Variants in ADARB2 observed in about 807,000 individuals in gnomAD.
ADARB2 encodes the protein adenosine deaminase RNA specific B2 (inactive).
ADARB2 carries 25 observed loss-of-function variants against 62.2 expected under a neutral mutation model. The observed-to-expected ratio is 0.40, with a 90% confidence interval of 0.29 to 0.56. The LOEUF (loss-of-function observed/expected upper bound fraction) is 0.56. ADARB2 is among the 20% of genes least tolerant of loss of function. The pLI is 0.43. For synonymous variants in ADARB2, 572 were observed against 500.8 expected (o/e 1.14, Z -1.90); for missense variants, 1,071 against 1,077.4 (o/e 0.99, Z 0.08).
intron 7 of ADARB2, among the ~76,000 whole-genome samples, chr10:1,202,715 T>G (rs1163467803): frequency 6.6e-6 from 1 of 152,210 alleles, no homozygotes; most frequent in Non-Finnish European, 1.5e-5. Context: ...AGACTGTTAG[T>G]GCGTCTTAAA....
intron 7 of ADARB2, among the ~76,000 whole-genome samples, chr10:1,203,990 G>A (rs1000593971): frequency 2.0e-5 from 3 of 152,278 alleles, no homozygotes; most frequent in African/African-American, 7.2e-5. Flanking sequence ...TGCTCAGTTC[G>A]AGAACCACCG....
At chr10:1,457,704 A>C (rs2131905899) in intron 1 of ADARB2, among the ~76,000 whole-genome samples, 1 of 152,274 alleles carries the variant, frequency 6.6e-6, no homozygotes, top group Middle Eastern at 3.4e-3. Context: ...CTCCCTCACA[A>C]ACTGCTCACA....
intron 6 of ADARB2, among the ~76,000 whole-genome samples, chr10:1,217,414 C>T (rs974203589): frequency 2.0e-5 from 3 of 152,240 alleles, no homozygotes; most frequent in Non-Finnish European, 4.4e-5. Context: ...AGTGCAGCCA[C>T]GGCCTGGACC....
At chr10:1,337,734 G>A (rs189655539) in intron 3 of ADARB2, among the ~76,000 whole-genome samples, 68 of 152,154 alleles carry the variant, frequency 4.5e-4, no homozygotes, top group Non-Finnish European at 1.5e-4. Flanking sequence ...TTATTGATAC[G>A]ATTTTACTAT....
intron 6 of ADARB2, among the ~76,000 whole-genome samples, chr10:1,228,507 C>T (rs959088837): frequency 7.9e-5 from 12 of 152,194 alleles, no homozygotes; most frequent in Non-Finnish European, 1.8e-4. Context: ...GTCATTGGAA[C>T]CCTGACTCTA....
intron 1 of ADARB2, among the ~76,000 whole-genome samples, chr10:1,459,110 A>C (rs181599603): frequency 6.6e-6 from 1 of 152,332 alleles, no homozygotes; most frequent in African/African-American, 2.4e-5. Flanking sequence ...AAATTAGCTC[A>C]ACCATTGTGG....
intron 1 of ADARB2, among the ~76,000 whole-genome samples, chr10:1,390,856 C>G (rs1219342003): frequency 6.6e-6 from 1 of 152,226 alleles, no homozygotes; most frequent in Admixed American, 6.5e-5. Context: ...GGGATCAGAA[C>G]TGTGAGCCTC....
chr10:1,477,609 C>T lies in ADARB2; in HGVS notation c.101-98449G>A, dbSNP rs1451274703. On this transcript the variant is annotated intron_variant, in intron 1 of 9. Coordinates refer to ENST00000381312, the MANE Select transcript of ADARB2 (RefSeq NM_018702.4). The surrounding 1 kb of genome is among the most constrained non-coding windows in gnomAD (Gnocchi z 4.5). ...CACCCACAACAACACGGTGATGTGC[C>T]AGAAGCAATGAAAAGCCATCCATAC... 6.6e-6 allele frequency among the ~76,000 whole-genome samples: 1 copy of T among 152,130 alleles called. No homozygotes were observed. Among genetic ancestry groups the T allele is most frequent in the Admixed American group, 6.5e-5 (1 of 15,282 alleles).
intron 1 of ADARB2, among the ~76,000 whole-genome samples, chr10:1,402,794 C>T (rs1832676137): frequency 6.6e-6 from 1 of 152,124 alleles, no homozygotes; most frequent in African/African-American, 2.4e-5. Flanking sequence ...AACCTACTCT[C>T]CTGGCAAAAA....
intron 1 of ADARB2, among the ~76,000 whole-genome samples, chr10:1,584,434 G>T (rs1461103080): frequency 6.6e-6 from 1 of 152,138 alleles, no homozygotes; most frequent in African/African-American, 2.4e-5. Flanking sequence ...CCAGAACATG[G>T]ACACCCTGGA....
At chr10:1,232,029 C>T (rs1028450895) in intron 6 of ADARB2, among the ~76,000 whole-genome samples, 4 of 152,184 alleles carry the variant, frequency 2.6e-5, no homozygotes, top group African/African-American at 9.7e-5. Context: ...TAGCCTTCCA[C>T]CGGAGGAGAG....
intron 1 of ADARB2, among the ~76,000 whole-genome samples, chr10:1,582,685 G>A (rs963891293): frequency 6.6e-6 from 1 of 152,106 alleles, no homozygotes; most frequent in African/African-American, 2.4e-5. Flanking sequence ...TCTGTGGCTC[G>A]ACCCTAACAC....
Position 1,536,467 on chromosome 10 carries a change from A to T in ADARB2, c.101-157307T>A, listed in dbSNP as rs543088556. On this transcript the variant is annotated intron_variant, in intron 1 of 9. Coordinates refer to ENST00000381312, the MANE Select transcript of ADARB2 (RefSeq NM_018702.4). ...CCTTCCTCCCAGCACAGTGTCACCC[A>T]AAAACCTTGAGGCTTCTCCATCAGC... 3.3e-5 allele frequency among the ~76,000 whole-genome samples: 5 copies of T among 152,334 alleles called. No individual in the cohort carries two copies. In the East Asian group the frequency reaches 7.7e-4, roughly 24 times the overall value.
At position 1,278,888 on chromosome 10, in the gene ADARB2, G is replaced by A. The variant is rs79300944; in HGVS notation, c.1078-7819C>T. ...GCTTGGATGCGTTTTGCATTTTCGT[G>A]GTCCTGCCATAGCACCATGAGTGAT... On this transcript the variant is annotated intron_variant, in intron 3 of 9. Coordinates refer to ENST00000381312, the MANE Select transcript of ADARB2 (RefSeq NM_018702.4). 2.5e-3 allele frequency among the ~76,000 whole-genome samples: 380 copies of A among 152,224 alleles called. 6 individuals are homozygous for A. The highest frequency in any genetic ancestry group is 0.015 in the Admixed American group (231 of 15,298).
intron 3 of ADARB2, among the ~76,000 whole-genome samples, chr10:1,294,374 T>C (rs1831505524): frequency 6.6e-6 from 1 of 152,174 alleles, no homozygotes; most frequent in South Asian, 2.1e-4. Flanking sequence ...GTGACGTGGC[T>C]CCTCACTTAC....
rs374203482 is a variant in ADARB2 at position 1,569,020 on chromosome 10, G to C, written c.100+168031C>G. Among the ~76,000 whole-genome samples the C allele has an allele frequency of 2.3e-4, 35 of 152,234 alleles. No individual in the cohort carries two copies. The East Asian group carries it at 6.8e-3, about 29-fold the overall frequency. On this transcript the variant is annotated intron_variant, in intron 1 of 9. Coordinates refer to ENST00000381312, the MANE Select transcript of ADARB2 (RefSeq NM_018702.4). ...AGATGGTGAGAGAGAGACACAGAGA[G>C]ACAGAGACAGAGCGGGACAGAGATA... is the stretch of plus-strand genomic sequence containing the variant.
intron 1 of ADARB2, among the ~76,000 whole-genome samples, chr10:1,674,695 G>T (rs925852864): frequency 2.6e-5 from 4 of 152,122 alleles, no homozygotes; most frequent in Non-Finnish European, 4.4e-5. Flanking sequence ...GGTCCCGGAG[G>T]TCACCTTCCA....
chr10:1,505,610 C>T (rs533349688), intron 1 of ADARB2, among the ~76,000 whole-genome samples: 6 of 152,256 alleles, frequency 3.9e-5, no homozygotes, highest in South Asian at 2.1e-4. Context: ...GCGCGTCAGC[C>T]GCCTCCCCAC....
At chr10:1,414,312 C>T (rs1216812430) in intron 1 of ADARB2, among the ~76,000 whole-genome samples, 2 of 152,212 alleles carry the variant, frequency 1.3e-5, no homozygotes, top group African/African-American at 4.8e-5. Context: ...TGTCTGGTGG[C>T]CAGGGTCTAA....
Sources: gnomAD v4.1 joint callset for allele counts (sites outside exome capture counted in the v4.1 genomes callset) on GRCh38, gnomAD v4.1.1 for gene constraint, Gnocchi (gnomAD v3.1) non-coding constraint, MANE v1.5 for transcripts, NCBI Gene and HGNC (gene_info 2026-07-23, HGNC 2026-07-21) for gene names.